Variants in TRIM60 observed in about 807,000 individuals in gnomAD.
TRIM60 encodes tripartite motif containing 60, also known as tripartite motif-containing protein 60.
For missense variants in TRIM60, 524 were observed against 540.8 expected (o/e 0.97, Z 0.31); for synonymous variants, 189 against 195.2 (o/e 0.97, Z 0.27).
chr4:165,033,286 T>C (rs781753402), intron 1 of TRIM60, among the ~76,000 whole-genome samples: 3 of 152,220 alleles, frequency 2.0e-5, no homozygotes, highest in Admixed American at 6.5e-5. Context: ...GTAGGGAATC[T>C]ACTGCAGGTT....
chr4:165,037,798 T>C (rs1733659546), intron 1 of TRIM60, among the ~76,000 whole-genome samples: 1 of 152,232 alleles, frequency 6.6e-6, no homozygotes, highest in African/African-American at 2.4e-5. Context: ...TTTCCCAACC[T>C]AAATTTTATC....
At chr4:165,034,192 G>A (rs1021862840) in intron 1 of TRIM60, among the ~76,000 whole-genome samples, 1 of 149,200 alleles carries the variant, frequency 6.7e-6, no homozygotes, top group Admixed American at 6.7e-5. Flanking sequence ...TCACTCTGTC[G>A]CCCAGGATGG....
chr4:165,034,101 T>G (rs867379821), intron 1 of TRIM60, among the ~76,000 whole-genome samples: 28 of 151,964 alleles, frequency 1.8e-4, no homozygotes, highest in Admixed American at 1.3e-3. Flanking sequence ...AACCATTGAG[T>G]TCCAGGATCT....
chr4:165,035,592 A>G lies in TRIM60; in HGVS notation c.-57+3480A>G, dbSNP rs137994840. Reference sequence around the variant, plus strand: ...TGTCTTTCCGGAATTTTTATTGGGAAGAGATCATGCAGGCTCCTTCCTAGC... The same window carrying G: ...TGTCTTTCCGGAATTTTTATTGGGAGGAGATCATGCAGGCTCCTTCCTAGC... On this transcript the variant is annotated intron_variant, in intron 1 of 2. Transcript: ENST00000512596. Among the ~76,000 whole-genome samples, 8 of 152,350 alleles carry G rather than the reference A, an allele frequency of 5.3e-5. No homozygotes were observed. The East Asian group carries it at 1.5e-3, about 29-fold the overall frequency.
chr4:165,038,413 G>A (rs1257507152), intron 1 of TRIM60, among the ~76,000 whole-genome samples: 2 of 151,928 alleles, frequency 1.3e-5, no homozygotes, highest in African/African-American at 4.8e-5. Flanking sequence ...AACAGGCTGG[G>A]CATAGTGGCT....
intron 1 of TRIM60, among the ~76,000 whole-genome samples, chr4:165,037,702 T>A (rs1317767332): frequency 6.6e-6 from 1 of 152,164 alleles, no homozygotes; most frequent in African/African-American, 2.4e-5. Context: ...CCTGTTTCAT[T>A]AAATCTAAGA....
rs201792320 is a variant in TRIM60 at position 165,041,024 on chromosome 4, C to T, written c.952C>T (p.Arg318Ter). ...LLVSEDRKAV[R>*]YERKKRNICY... ...TGTCTCTGAGGATAGAAAAGCTGTG[C>T]GATATGAAAGAAAAAAACGAAACAT... The change falls in exon 3 of 3, where the codon CGA becomes TGA. Residue 318 changes from arginine (R) to a stop codon, truncating the protein, a stop_gained. Coordinates refer to ENST00000512596, the MANE Select transcript of TRIM60 (RefSeq NM_152620.3). LOFTEE classifies it low-confidence loss of function (END_TRUNC). The T allele has an allele frequency of 2.7e-5, 44 of 1,613,694 alleles. No individual in the cohort carries two copies. The highest frequency in any genetic ancestry group is 3.3e-4 in the Middle Eastern group (2 of 6,084).
chr4:165,036,475 C>A (rs1212662516), intron 1 of TRIM60, among the ~76,000 whole-genome samples: 1 of 151,998 alleles, frequency 6.6e-6, no homozygotes. Flanking sequence ...GATATAGTGA[C>A]AAATTGTGGA....
At chr4:165,032,394 G>A (rs1031911569) in intron 1 of TRIM60, among the ~76,000 whole-genome samples, 1 of 152,156 alleles carries the variant, frequency 6.6e-6, no homozygotes, top group African/African-American at 2.4e-5. Flanking sequence ...GATTACAGGC[G>A]CTCGCCACCA....
intron 2 of TRIM60, 83 bp from the exon 3 acceptor site, chr4:165,039,986 T>C: frequency 9.5e-7 from 1 of 1,052,926 alleles, no homozygotes; most frequent in East Asian, 2.5e-5. Context: ...CTGGGAGGGG[T>C]ATCCACTTCT....
chr4:165,037,700 A>G (rs1218162699), intron 1 of TRIM60, among the ~76,000 whole-genome samples: 1 of 152,052 alleles, frequency 6.6e-6, no homozygotes, highest in Non-Finnish European at 1.5e-5. Flanking sequence ...CTCCTGTTTC[A>G]TTAAATCTAA....
In TRIM60 at chr4:165,040,279, C is replaced by A. The variant is rs1174786460; in HGVS notation, c.207C>A (p.Pro69=). The change falls in exon 3 of 3, where the codon CCC becomes CCA. Residue 69 remains proline (P), a synonymous_variant. Transcript: ENST00000512596. Reference sequence around the variant, plus strand: ...CATACAAGAGCTTCAGGAGGAACCCCCAGCTCCGTAATTTGACTGAAATTG... The same window carrying A: ...CATACAAGAGCTTCAGGAGGAACCCACAGCTCCGTAATTTGACTGAAATTG... ...CFPYKSFRRN[P]QLRNLTEIAK... 1 of 1,614,156 alleles carries A rather than the reference C, an allele frequency of 6.2e-7. No individual in the cohort carries two copies. The highest frequency in any genetic ancestry group is 1.1e-5 in the South Asian group (1 of 91,090).
Position 165,041,301 on chromosome 4 carries a change from T to C in TRIM60, c.1229T>C (p.Val410Ala), listed in dbSNP as rs775738567. Residue 410 changes from valine to alanine, a missense_variant, in exon 3 of 3, where the codon GTA becomes GCA. Physicochemically the swap from Val to Ala is moderately conservative, Grantham distance 64 (BLOSUM62 0). Transcript: ENST00000512596. ...AAGACAACCCAGCTTCTGCCAGTAG[T>C]AAAACCCAGTAAAATTGGTATTTTT... ...GPKTTQLLPVVKPSKIGIFLD... is the reference protein window; with the variant it reads ...GPKTTQLLPVAKPSKIGIFLD... 1 of 1,614,108 alleles carries C rather than the reference T, an allele frequency of 6.2e-7. No individual in the cohort carries two copies. The highest frequency in any genetic ancestry group is 8.5e-7 in the Non-Finnish European group (1 of 1,180,056).
intron 1 of TRIM60, among the ~76,000 whole-genome samples, chr4:165,037,158 A>C (rs1733639538): frequency 6.6e-6 from 1 of 151,744 alleles, no homozygotes; most frequent in Non-Finnish European, 1.5e-5. Flanking sequence ...CCGAGACTGC[A>C]CCATTGCACT....
In TRIM60 at chr4:165,040,362, G is replaced by A; in HGVS notation, c.290G>A (p.Cys97Tyr). Residue 97 changes from cysteine to tyrosine, a missense_variant, in exon 3 of 3, where the codon TGT (cysteine) becomes TAT (tyrosine). Cys to Tyr is a radical substitution (Grantham distance 194). Coordinates refer to ENST00000512596, the MANE Select transcript of TRIM60 (RefSeq NM_152620.3). ...AAGAGGCAGAAAGAGAATGCCATGT[G>A]TGAAAAACACAACCAGTTTCTGACC... The part of the protein sequence containing the change: ...KRKRQKENAM[C>Y]EKHNQFLTLF... The A allele has an allele frequency of 6.2e-7, 1 of 1,614,216 alleles. No homozygotes were observed. Among genetic ancestry groups the A allele is most frequent in the Non-Finnish European group, 8.5e-7 (1 of 1,180,036 alleles).
chr4:165,037,856 A>T (rs1378248494), intron 1 of TRIM60, among the ~76,000 whole-genome samples: 1 of 152,144 alleles, frequency 6.6e-6, no homozygotes, highest in Non-Finnish European at 1.5e-5. Context: ...TTTGGATTTT[A>T]TTCATTCATG....
intron 2 of TRIM60, 131 bp from the exon 3 acceptor site, chr4:165,039,938 T>TA: frequency 4.6e-6 from 3 of 650,262 alleles, no homozygotes; most frequent in Non-Finnish European, 8.0e-6. Flanking sequence ...ACCAGCATGC[T>TA]AGGCTAGTGA....
chr4:165,041,179 CTG>C lies in TRIM60; in HGVS notation c.1109_1110del (p.Cys370SerfsTer3). The C allele has an allele frequency of 1.9e-6, 3 of 1,614,190 alleles. No individual in the cohort carries two copies. Among genetic ancestry groups the C allele is most frequent in the Middle Eastern group, 3.3e-4 (2 of 6,062 alleles). On this transcript the variant is annotated frameshift_variant, in exon 3 of 3. Coordinates refer to ENST00000512596, the MANE Select transcript of TRIM60 (RefSeq NM_152620.3). LOFTEE classifies it low-confidence loss of function (END_TRUNC). The stretch of plus-strand genomic sequence containing the variant: ...AATGGATATTGGGTGTGTGTCAAGA[CTG>C]TCTTCTTAGGAACTGGCAGGATCAG... Reference protein sequence around the residue: ...PKWILGVCQDCLLRNWQDQPS... With the variant: ...PKWILGVCQDXLLRNWQDQPS...
intron 1 of TRIM60, among the ~76,000 whole-genome samples, chr4:165,033,673 A>G (rs1733556602): frequency 6.6e-6 from 1 of 152,216 alleles, no homozygotes; most frequent in African/African-American, 2.4e-5. Flanking sequence ...AGTCATAAGG[A>G]CAGATTTTAA....
Sources: gnomAD v4.1 joint callset for allele counts (sites outside exome capture counted in the v4.1 genomes callset) on GRCh38, gnomAD v4.1.1 for gene constraint, MANE v1.5 for transcripts, NCBI Gene and HGNC (gene_info 2026-07-23, HGNC 2026-07-21) for gene names.